Variants in DGKI observed in about 807,000 individuals in gnomAD.
DGKI encodes the protein DAG kinase iota.
Under a neutral mutation model 147.5 loss-of-function variants are expected in DGKI, and 55 were observed. That is an observed-to-expected ratio of 0.37 (90% CI 0.30 to 0.47). The LOEUF is 0.47. Ranked by LOEUF, DGKI falls within the 20% of genes least tolerant of loss-of-function variation. DGKI has a pLI of 1.00. For missense variants in DGKI, 1,007 were observed against 1,323.8 expected (o/e 0.76, Z 3.71); for synonymous variants, 469 against 477.1 (o/e 0.98, Z 0.22).
intron 3 of DGKI, among the ~76,000 whole-genome samples, chr7:137,670,912 G>A (rs7793252): frequency 0.015 from 2,289 of 152,274 alleles, 53 homozygotes; most frequent in African/African-American, 0.052. Context: ...TCCAATGCTG[G>A]TGCTCCATGT....
At chr7:137,648,532 T>C (rs2129009518) in intron 5 of DGKI, among the ~76,000 whole-genome samples, 1 of 152,358 alleles carries the variant, frequency 6.6e-6, no homozygotes, top group African/African-American at 2.4e-5. Context: ...TATACAACGA[T>C]TCTTCAGTCT....
intron 20 of DGKI, 64 bp from the exon 21 acceptor site, chr7:137,522,030 G>A: frequency 8.6e-7 from 1 of 1,159,286 alleles, no homozygotes; most frequent in Admixed American, 1.9e-5. Flanking sequence ...CCATGCACCT[G>A]AAGGAATAAG....
At chr7:137,700,822 G>A (rs1222443344) in intron 1 of DGKI, among the ~76,000 whole-genome samples, 3 of 152,074 alleles carry the variant, frequency 2.0e-5, no homozygotes, top group African/African-American at 2.4e-5. Flanking sequence ...AAGTTGGAGT[G>A]AGCTGAGATG....
chr7:137,581,943 A>G lies in DGKI; in HGVS notation c.1564-15T>C. 1 of 1,611,004 alleles carries G rather than the reference A, an allele frequency of 6.2e-7. No individual in the cohort carries two copies. Among genetic ancestry groups the G allele is most frequent in the South Asian group, 1.1e-5 (1 of 90,874 alleles). ...TTCAGAGGGAGCTGCAATGATAAAC[A>G]AAGACAGAGGCAAAATTTTGTGTGG... On this transcript the variant is annotated splice_polypyrimidine_tract_variant and intron_variant, in intron 14 of 32. Coordinates refer to ENST00000614521, the MANE Select transcript of DGKI (RefSeq NM_001321708.2).
intron 8 of DGKI, among the ~76,000 whole-genome samples, chr7:137,611,111 A>T (rs1820348464): frequency 6.6e-6 from 1 of 152,188 alleles, no homozygotes; most frequent in Non-Finnish European, 1.5e-5. Flanking sequence ...CTCACTGAGG[A>T]ATATTTCGCA....
chr7:137,605,263 G>A (rs1336459127), intron 10 of DGKI, among the ~76,000 whole-genome samples: 2 of 150,478 alleles, frequency 1.3e-5, no homozygotes, highest in East Asian at 2.0e-4. Flanking sequence ...AGCTGAGATC[G>A]TGTCACTGCA....
intron 1 of DGKI, among the ~76,000 whole-genome samples, chr7:137,707,797 G>C (rs995162789): frequency 6.6e-6 from 1 of 152,132 alleles, no homozygotes; most frequent in Non-Finnish European, 1.5e-5. Context: ...CCAGTCTCAG[G>C]TATTTTTTTA....
chr7:137,423,544 A>G (rs1411544245), intron 28 of DGKI, among the ~76,000 whole-genome samples: 1 of 152,248 alleles, frequency 6.6e-6, no homozygotes, highest in Non-Finnish European at 1.5e-5. Context: ...AGCCAAGTAC[A>G]GTTAAGTATG....
intron 23 of DGKI, among the ~76,000 whole-genome samples, chr7:137,482,008 TAC>T (rs1815388504): frequency 6.6e-6 from 1 of 152,104 alleles, no homozygotes; most frequent in South Asian, 2.1e-4. Context: ...TAACACTCCT[TAC>T]TCCCACCGGG....
At chr7:137,824,126 G>T (rs997351886) in intron 1 of DGKI, among the ~76,000 whole-genome samples, 1 of 152,318 alleles carries the variant, frequency 6.6e-6, no homozygotes, top group Admixed American at 6.5e-5. Context: ...TTAGTGGTTA[G>T]TAGCATGTGA....
At chr7:137,477,052 A>C (rs1284920654) in intron 23 of DGKI, among the ~76,000 whole-genome samples, 1 of 152,214 alleles carries the variant, frequency 6.6e-6, no homozygotes, top group Non-Finnish European at 1.5e-5. Context: ...TACTCTAGTC[A>C]AGGATCTTAC....
rs568420755 is a variant in DGKI, at chr7:137,585,061, C to T, written c.1563+148G>A. 41 of 858,430 alleles carry T rather than the reference C, an allele frequency of 4.8e-5. No homozygotes were observed. The South Asian group carries it at 5.9e-4, about 12-fold the overall frequency. 53.2% of individuals were successfully genotyped at this position (858,430 alleles called of 1,614,324 possible). A position where few individuals can be genotyped will look rare whatever the true frequency, so the allele number is the denominator to read the frequency against. Reference sequence around the variant, plus strand: ...AGAATCATTAGGTGGTAATATTATACACATAGCCCCAGTAGCCATCAACTC... The same window carrying T: ...AGAATCATTAGGTGGTAATATTATATACATAGCCCCAGTAGCCATCAACTC... On this transcript the variant is annotated intron_variant, in intron 14 of 32. Transcript: ENST00000614521.
chr7:137,708,365 A>G (rs1229145575), intron 1 of DGKI, among the ~76,000 whole-genome samples: 1 of 152,172 alleles, frequency 6.6e-6, no homozygotes, highest in African/African-American at 2.4e-5. Flanking sequence ...TTCTCGCTTT[A>G]TATTAATTTA....
chr7:137,632,808 G>A (rs1240873833), intron 6 of DGKI, among the ~76,000 whole-genome samples: 10 of 152,004 alleles, frequency 6.6e-5, no homozygotes, highest in African/African-American at 2.4e-4. Context: ...GTAGTGAGCC[G>A]AGATCATGCC....
intron 23 of DGKI, among the ~76,000 whole-genome samples, chr7:137,479,931 T>C (rs529909387): frequency 6.6e-6 from 1 of 152,182 alleles, no homozygotes; most frequent in Non-Finnish European, 1.5e-5. Context: ...TACTATTTAT[T>C]TTAATATCTT....
At chr7:137,823,167 C>A (rs185673585) in intron 1 of DGKI, among the ~76,000 whole-genome samples, 3 of 151,752 alleles carry the variant, frequency 2.0e-5, no homozygotes, top group Admixed American at 2.0e-4. Context: ...ACAAAGTACA[C>A]CAGTTTTGAA....
At chr7:137,585,063 C>G in intron 14 of DGKI, 146 bp downstream of exon 14, 1 of 880,060 alleles carries the variant, frequency 1.1e-6, no homozygotes, top group South Asian at 1.7e-5. Context: ...ATATTATACA[C>G]ATAGCCCCAG....
intron 1 of DGKI, among the ~76,000 whole-genome samples, chr7:137,704,250 T>A (rs1793934260): frequency 6.6e-6 from 1 of 152,070 alleles, no homozygotes; most frequent in Non-Finnish European, 1.5e-5. Flanking sequence ...AAACCATGTC[T>A]AAGGAGCTAA....
At chr7:137,483,272 A>G (rs1815435487) in intron 23 of DGKI, among the ~76,000 whole-genome samples, 1 of 152,094 alleles carries the variant, frequency 6.6e-6, no homozygotes, top group African/African-American at 2.4e-5. Flanking sequence ...AAGTAGTTTC[A>G]TAAACCTAGC....
Sources: gnomAD v4.1 joint callset for allele counts (sites outside exome capture counted in the v4.1 genomes callset) on GRCh38, gnomAD v4.1.1 for gene constraint, MANE v1.5 for transcripts, NCBI Gene and HGNC (gene_info 2026-07-23, HGNC 2026-07-21) for gene names.